THADA: variants seen among roughly 807,000 people sequenced by gnomAD.
The protein encoded by THADA is tRNA (32-2'-O)-methyltransferase regulator THADA.
THADA carries 213 observed loss-of-function variants against 219.8 expected under a neutral mutation model. The observed-to-expected ratio is 0.97, with a 90% CI of 0.87 to 1.09. The LOEUF (loss-of-function observed/expected upper bound fraction) is 1.09. Ranked by LOEUF, THADA falls within the 50% of genes least tolerant of loss-of-function variation. The pLI is 0.00. For missense variants in THADA, 2,956 were observed against 2,311.3 expected (o/e 1.28, Z -5.72); for synonymous variants, 1,018 against 828.9 (o/e 1.23, Z -3.92).
chr2:43,344,877 T>C (rs1430464509), intron 29 of THADA, among the ~76,000 whole-genome samples: 3 of 152,224 alleles, frequency 2.0e-5, no homozygotes, highest in Admixed American at 6.5e-5. Flanking sequence ...TGCACGTATG[T>C]ATGTACTGGA....
chr2:43,468,951 G>C (rs1039788680), intron 26 of THADA, among the ~76,000 whole-genome samples: 3 of 152,284 alleles, frequency 2.0e-5, no homozygotes, highest in Admixed American at 6.5e-5. Flanking sequence ...GTTAAGTCTA[G>C]GTCTCCCTAT....
intron 21 of THADA, among the ~76,000 whole-genome samples, chr2:43,536,641 T>G (rs908466718): frequency 1.3e-5 from 2 of 152,102 alleles, no homozygotes; most frequent in Non-Finnish European, 2.9e-5. Flanking sequence ...ACATGCCATG[T>G]TTCCAGGCAG....
At chr2:43,350,804 T>C (rs111339270) in intron 29 of THADA, among the ~76,000 whole-genome samples, 27 of 152,202 alleles carry the variant, frequency 1.8e-4, no homozygotes, top group Non-Finnish European at 3.2e-4. Context: ...AACCTGTTTA[T>C]TGGGTAAGAA....
chr2:43,414,701 A>T (rs952335092), intron 28 of THADA, among the ~76,000 whole-genome samples: 1 of 152,202 alleles, frequency 6.6e-6, no homozygotes, highest in Non-Finnish European at 1.5e-5. Flanking sequence ...GGATATAAAC[A>T]AAACTGTAAC....
chr2:43,341,949 G>T (rs1667105480), intron 30 of THADA, among the ~76,000 whole-genome samples: 1 of 152,150 alleles, frequency 6.6e-6, no homozygotes, highest in South Asian at 2.1e-4. Flanking sequence ...TGGCTCACAT[G>T]CCTGTAATCC....
At chr2:43,333,446 C>T (rs1164221835) in intron 30 of THADA, among the ~76,000 whole-genome samples, 1 of 149,868 alleles carries the variant, frequency 6.7e-6, no homozygotes, top group Non-Finnish European at 1.5e-5. Flanking sequence ...AAAGCAGTTA[C>T]TACCTCTTCC....
intron 28 of THADA, among the ~76,000 whole-genome samples, chr2:43,409,356 T>A (rs1305319752): frequency 6.7e-6 from 1 of 149,106 alleles, no homozygotes; most frequent in Non-Finnish European, 1.5e-5. Flanking sequence ...AAAAATTGCT[T>A]TTTTTTTTTG....
intron 26 of THADA, among the ~76,000 whole-genome samples, chr2:43,448,086 TTAA>T (rs1251064672): frequency 2.0e-5 from 3 of 152,310 alleles, no homozygotes; most frequent in African/African-American, 7.2e-5. Context: ...CCAATTTTTA[TTAA>T]TAAAGCATCG....
chr2:43,547,742 T>C (rs998922325), intron 20 of THADA, among the ~76,000 whole-genome samples: 25 of 152,304 alleles, frequency 1.6e-4, no homozygotes, highest in Non-Finnish European at 3.4e-4. Context: ...CTTCTCTGTA[T>C]TGGTTATTCT....
intron 24 of THADA, among the ~76,000 whole-genome samples, chr2:43,499,753 G>A (rs944648328): frequency 6.6e-6 from 1 of 151,872 alleles, no homozygotes; most frequent in Non-Finnish European, 1.5e-5. Flanking sequence ...ATATTTTGAA[G>A]ACGCTACCTA....
intron 19 of THADA, 131 bp from the exon 20 acceptor site, chr2:43,549,499 A>C: frequency 1.1e-6 from 1 of 897,870 alleles, no homozygotes; most frequent in South Asian, 1.7e-5. Flanking sequence ...GGGACTCACA[A>C]GGTGGATAAT....
intron 36 of THADA, among the ~76,000 whole-genome samples, chr2:43,247,907 G>T (rs1418157901): frequency 1.3e-5 from 2 of 151,048 alleles, no homozygotes; most frequent in African/African-American, 2.4e-5. Flanking sequence ...GCTGAATGTG[G>T]TGGTACATGC....
At chr2:43,337,122 G>A (rs183001869) in intron 30 of THADA, among the ~76,000 whole-genome samples, 5 of 152,344 alleles carry the variant, frequency 3.3e-5, no homozygotes, top group Admixed American at 3.3e-4. Context: ...AATCTGACCC[G>A]AATGCACTGT....
chr2:43,520,442 C>T (rs939712880), intron 22 of THADA, among the ~76,000 whole-genome samples: 2 of 152,112 alleles, frequency 1.3e-5, no homozygotes, highest in African/African-American at 4.8e-5. Context: ...AATCCCAACA[C>T]TTTGGGAAGC....
Position 43,232,841 on chromosome 2 carries a change from G to A in THADA, c.5338C>T (p.Leu1780=). Residue 1780 remains leucine, a synonymous_variant, in exon 37 of 38, where the codon CTG becomes TTG. Coordinates refer to ENST00000405975, the MANE Select transcript of THADA (RefSeq NM_022065.5). ...AGATCACACAGGACGGCCAGGGCCAGGGCCAGAGCGATGGAGGCATCCACC... is the reference window on the plus strand; with the variant it reads ...AGATCACACAGGACGGCCAGGGCCAAGGCCAGAGCGATGGAGGCATCCACC... ...CQVDASIALA[L]ALAVLCDLLQ... 1.2e-6 allele frequency: 2 copies of A among 1,612,132 alleles called. No homozygotes were observed. Among genetic ancestry groups the A allele is most frequent in the Non-Finnish European group, 1.7e-6 (2 of 1,179,274 alleles).
chr2:43,281,963 T>C (rs1163837746), intron 35 of THADA, among the ~76,000 whole-genome samples: 1 of 152,088 alleles, frequency 6.6e-6, no homozygotes. Context: ...AGACAAAAGA[T>C]CTTGCTGTGT....
At chr2:43,424,998 GCTC>G (rs1171408980) in intron 28 of THADA, among the ~76,000 whole-genome samples, 1 of 152,142 alleles carries the variant, frequency 6.6e-6, no homozygotes, top group East Asian at 1.9e-4. Flanking sequence ...GTGGATATAG[GCTC>G]CTCATCTCTC....
chr2:43,485,961 A>T (rs543803813), intron 25 of THADA, among the ~76,000 whole-genome samples: 1 of 151,970 alleles, frequency 6.6e-6, no homozygotes, highest in African/African-American at 2.4e-5. Context: ...GCACATGCCT[A>T]TAGTCCCAGG....
At chr2:43,267,329 G>T (rs1214635945) in intron 36 of THADA, among the ~76,000 whole-genome samples, 1 of 152,208 alleles carries the variant, frequency 6.6e-6, no homozygotes, top group African/African-American at 2.4e-5. Context: ...AGAAGCAGAT[G>T]CTCTATCTAA....
Sources: gnomAD v4.1 joint callset for allele counts (sites outside exome capture counted in the v4.1 genomes callset) on GRCh38, gnomAD v4.1.1 for gene constraint, MANE v1.5 for transcripts, NCBI Gene and HGNC (gene_info 2026-07-23, HGNC 2026-07-21) for gene names.